Variants in SEL1L3 observed in about 807,000 individuals in gnomAD.
SEL1L3 encodes the protein protein sel-1 homolog 3.
SEL1L3 carries 76 observed loss-of-function variants against 142.8 expected under a neutral mutation model. The ratio of observed to expected loss-of-function variants is 0.53; its 90% CI spans 0.44 to 0.64. The LOEUF (loss-of-function observed/expected upper bound fraction) is 0.64, where lower values mean the gene tolerates loss of function less well. Ranked by LOEUF, SEL1L3 falls within the 30% of genes least tolerant of loss-of-function variation. The pLI is 0.00. For missense variants in SEL1L3, 1,262 were observed against 1,381.7 expected, an observed-to-expected ratio of 0.91 and a Z score of 1.37; for synonymous variants, 504 against 519.6, an observed-to-expected ratio of 0.97 and a Z score of 0.41.
At chr4:25,863,503 G>GGGGCGCCATTCCCGCA (rs1413795466), upstream of SEL1L3, 1 of 702,342 alleles carries the variant, frequency 1.4e-6, no homozygotes, top group Non-Finnish European at 2.6e-6. Flanking sequence ...TTTTTTGGCC[G>GGGGCGCCATTCCCGCA]GGGCGCCATT....
chr4:25,732,745 T>C, the SEL1L3 span, among the ~76,000 whole-genome samples: 1 of 151,926 alleles, frequency 6.6e-6, no homozygotes, highest in Admixed American at 6.6e-5. Flanking sequence ...TGTGTGTGTG[T>C]GGTGGGGAGT....
At chr4:25,843,280 G>C (rs1321315726) in intron 2 of SEL1L3, among the ~76,000 whole-genome samples, 1 of 151,570 alleles carries the variant, frequency 6.6e-6, no homozygotes, top group African/African-American at 2.4e-5. Flanking sequence ...TGCTGGTGGG[G>C]GGTGAGGAGG....
At chr4:25,761,486 A>G (rs951967106) in intron 20 of SEL1L3, among the ~76,000 whole-genome samples, 13 of 152,166 alleles carry the variant, frequency 8.5e-5, no homozygotes, top group Non-Finnish European at 1.9e-4. Context: ...TCTCTAATCA[A>G]TGGAATAATA....
chr4:25,831,714 G>A (rs1475003448), intron 5 of SEL1L3, among the ~76,000 whole-genome samples: 9 of 151,610 alleles, frequency 5.9e-5, no homozygotes, highest in East Asian at 1.9e-4. Context: ...TACCAGAGAC[G>A]GGGTTTCACC....
Position 25,788,136 on chromosome 4 carries a change from ACT to A in SEL1L3, c.2217+86_2217+87del. 7.6e-7 allele frequency: 1 copy of A among 1,310,852 alleles called. No individual in the cohort carries two copies. Among genetic ancestry groups the A allele is most frequent in the Non-Finnish European group, 1.1e-6 (1 of 933,070 alleles). 81.2% of individuals were successfully genotyped at this position (1,310,852 alleles called of 1,614,324 possible). On this transcript the variant is annotated intron_variant, in intron 13 of 23. Coordinates refer to ENST00000399878, the MANE Select transcript of SEL1L3 (RefSeq NM_015187.5). This position sits in a 1 kb window ranked among gnomAD's most constrained non-coding sequence, Gnocchi z 5.3. ...ATATACTAAATTTCTTCAGTTATCG[ACT>A]CCCTGTTTGCCAGCCCGCCCACAGG...
At chr4:25,748,768 C>G (rs1717405710) in intron 23 of SEL1L3, among the ~76,000 whole-genome samples, 1 of 152,150 alleles carries the variant, frequency 6.6e-6, no homozygotes. Flanking sequence ...TAAATAAAAA[C>G]CCTTCAAGAG....
At position 25,748,250 on chromosome 4, in the gene SEL1L3, T is replaced by A. The variant is rs1226982647; in HGVS notation, c.*175A>T. The A allele has an allele frequency of 1.6e-6, 1 of 614,520 alleles. No individual in the cohort carries two copies. Among genetic ancestry groups the A allele is most frequent in the African/African-American group, 1.8e-5 (1 of 54,072 alleles). 38.1% of individuals were successfully genotyped at this position (614,520 alleles called of 1,614,324 possible). On this transcript the variant is annotated 3_prime_UTR_variant, in exon 24 of 24. Coordinates refer to ENST00000399878, the MANE Select transcript of SEL1L3 (RefSeq NM_015187.5). ...GATGACCTTTGGTATTACCACTGCC[T>A]GATCTGGGTACTTCCTTGTAATTTG...
chr4:25,844,686 T>C (rs1187623769), intron 2 of SEL1L3, among the ~76,000 whole-genome samples: 2 of 152,222 alleles, frequency 1.3e-5, no homozygotes, highest in East Asian at 3.8e-4. Flanking sequence ...TTGTCAAATA[T>C]GAAATGGAAT....
intron 8 of SEL1L3, 150 bp downstream of exon 8, chr4:25,819,658 A>G: frequency 1.6e-6 from 1 of 629,070 alleles, no homozygotes; most frequent in Non-Finnish European, 2.6e-6. Flanking sequence ...ACCTGTATCC[A>G]CCAGTGGAGG....
At chr4:25,794,248 G>A (rs1712555180) in intron 11 of SEL1L3, among the ~76,000 whole-genome samples, 1 of 152,110 alleles carries the variant, frequency 6.6e-6, no homozygotes, top group African/African-American at 2.4e-5. Flanking sequence ...CCTACAGAAT[G>A]GGAAAACATT....
At chr4:25,781,130 C>A (rs1042625927) in intron 15 of SEL1L3, among the ~76,000 whole-genome samples, 1 of 151,998 alleles carries the variant, frequency 6.6e-6, no homozygotes, top group Non-Finnish European at 1.5e-5. Context: ...CAGGTGTGAA[C>A]CACCACTCTC....
In SEL1L3 at chr4:25,818,121, G is replaced by T; in HGVS notation, c.1564+17C>A. 2 of 1,609,520 alleles carry T rather than the reference G, an allele frequency of 1.2e-6. No individual in the cohort carries two copies. Among genetic ancestry groups the T allele is most frequent in the Non-Finnish European group, 1.7e-6 (2 of 1,177,992 alleles). The stretch of plus-strand genomic sequence containing the variant: ...CTTTCTAACCAGCGCCTAAAGCCGA[G>T]GCAAAGACTCAATTACCGGTCAGCA... On this transcript the variant is annotated intron_variant, in intron 9 of 23. Coordinates refer to ENST00000399878, the MANE Select transcript of SEL1L3 (RefSeq NM_015187.5).
At chr4:25,802,591 T>TA in intron 10 of SEL1L3, 129 bp from the exon 11 acceptor site, 1 of 718,896 alleles carries the variant, frequency 1.4e-6, no homozygotes, top group East Asian at 2.9e-5. Context: ...TTAACTTGCC[T>TA]TTTTTTTTGA....
intron 17 of SEL1L3, among the ~76,000 whole-genome samples, chr4:25,768,548 T>C (rs1577574995): frequency 6.6e-6 from 1 of 152,326 alleles, no homozygotes; most frequent in Non-Finnish European, 1.5e-5. Flanking sequence ...AGAATGTACA[T>C]ACCATGTGGC....
intron 2 of SEL1L3, among the ~76,000 whole-genome samples, chr4:25,841,550 G>C (rs371174435): frequency 1.3e-5 from 2 of 152,204 alleles, no homozygotes; most frequent in Non-Finnish European, 2.9e-5. Context: ...AAACTATCCA[G>C]GTTCAAACTC....
intron 23 of SEL1L3, among the ~76,000 whole-genome samples, chr4:25,753,846 T>C (rs987579406): frequency 2.0e-5 from 3 of 151,272 alleles, no homozygotes; most frequent in Non-Finnish European, 4.4e-5. Flanking sequence ...CAGCTGGGGG[T>C]GGTGGCGTGC....
chr4:25,755,433 C>A (rs989371056), intron 23 of SEL1L3, among the ~76,000 whole-genome samples: 1 of 151,994 alleles, frequency 6.6e-6, no homozygotes, highest in African/African-American at 2.4e-5. Flanking sequence ...TTTGGGCAAG[C>A]TACTTCGCCT....
At chr4:25,796,670 T>G (rs186794685) in intron 11 of SEL1L3, among the ~76,000 whole-genome samples, 1 of 151,812 alleles carries the variant, frequency 6.6e-6, no homozygotes, top group African/African-American at 2.4e-5. Context: ...GGCTCACTTG[T>G]AGTCCCAGCT....
At chr4:25,752,179 G>A (rs971049250) in intron 23 of SEL1L3, among the ~76,000 whole-genome samples, 5 of 151,256 alleles carry the variant, frequency 3.3e-5, no homozygotes, top group East Asian at 3.9e-4. Context: ...TACTTTGGGA[G>A]GCTGAGTCGG....
Sources: allele counts gnomAD v4.1 joint callset (sites outside exome capture counted in the v4.1 genomes callset), GRCh38; gene constraint gnomAD v4.1.1; non-coding constraint Gnocchi (gnomAD v3.1); transcripts MANE v1.5; gene names NCBI Gene and HGNC (gene_info 2026-07-23, HGNC 2026-07-21).